ASIC1: variants seen among roughly 807,000 people sequenced by gnomAD.
ASIC1 encodes the protein acid sensing ion channel subunit 1.
Under a neutral mutation model 63.4 loss-of-function variants are expected in ASIC1, and 21 were observed. The ratio of observed to expected loss-of-function variants is 0.33; its 90% CI spans 0.23 to 0.48. The LOEUF is 0.48. Among genes scored for constraint, ASIC1 ranks in the 20% least tolerant of loss-of-function variants. ASIC1 has a pLI of 0.99. For synonymous variants in ASIC1, 258 were observed against 278.2 expected, an observed-to-expected ratio of 0.93 and a Z score of 0.72; for missense variants, 478 against 695.5, an observed-to-expected ratio of 0.69 and a Z score of 3.52.
chr12:50,081,590 G>A lies in ASIC1; in HGVS notation c.1528G>A (p.Ala510Thr). 6.2e-7 allele frequency: 1 copy of A among 1,614,068 alleles called. No homozygotes were observed. Among genetic ancestry groups the A allele is most frequent in the Non-Finnish European group, 8.5e-7 (1 of 1,179,960 alleles). ...LRGHPAGMTY[A>T]ANILPHHPAR... Reference sequence around the variant, plus strand: ...GGGCCACCCTGCCGGGATGACATACGCTGCCAACATCCTACCTCACCATCC... The same window carrying A: ...GGGCCACCCTGCCGGGATGACATACACTGCCAACATCCTACCTCACCATCC... Residue 510 changes from alanine to threonine, a missense_variant, in exon 12 of 12, where the codon GCT becomes ACT. Physicochemically the swap from Ala to Thr is moderately conservative, Grantham distance 58. Transcript: ENST00000447966.
In ASIC1 at chr12:50,082,930, C is replaced by T. The variant is rs567676476; in HGVS notation, c.*1281C>T. 7 of 153,152 alleles carry T rather than the reference C, an allele frequency of 4.6e-5. No homozygotes were observed. The highest frequency in any genetic ancestry group is 1.7e-4 in the African/African-American group (7 of 41,586). The allele number at this position is 153,152 out of a possible 1,614,324, so 9.5% of individuals were successfully genotyped here. Reference sequence around the variant, plus strand: ...CTTAACATTCTCTTCCCCTGCTCCTCCTATCCCATTGCCCTCTGCCCAGCT... The same window carrying T: ...CTTAACATTCTCTTCCCCTGCTCCTTCTATCCCATTGCCCTCTGCCCAGCT... On this transcript the variant is annotated 3_prime_UTR_variant, in exon 12 of 12. Transcript: ENST00000447966.
At chr12:50,069,743 G>GT (rs1950580922) in intron 3 of ASIC1, among the ~76,000 whole-genome samples, 2 of 150,726 alleles carry the variant, frequency 1.3e-5, no homozygotes, top group African/African-American at 2.4e-5. Flanking sequence ...TTAGATATTT[G>GT]TTTTTTTCAT....
chr12:50,078,438 A>T lies in ASIC1; in HGVS notation c.855A>T (p.Pro285=), dbSNP rs1565732271. The change falls in exon 6 of 12, where the codon CCA becomes CCT. Residue 285 remains proline (P), a synonymous_variant. Coordinates refer to ENST00000447966, the MANE Select transcript of ASIC1 (RefSeq NM_001095.4). This position sits in a 1 kb window ranked among gnomAD's most constrained non-coding sequence, Gnocchi z 6.0. The part of the protein sequence containing the change: ...CQEQRLIYLP[P]PWGTCKAVTM... ...CCCAGCAGCTCATCTACCTGCCCCC[A>T]CCCTGGGGCACCTGCAAAGCTGTTA... The T allele has an allele frequency of 6.2e-7, 1 of 1,613,542 alleles. No homozygotes were observed. Among genetic ancestry groups the T allele is most frequent in the African/African-American group, 1.3e-5 (1 of 74,752 alleles).
At chr12:50,079,129 T>A in intron 7 of ASIC1, 149 bp downstream of exon 7, 2 of 777,870 alleles carry the variant, frequency 2.6e-6, no homozygotes, top group Non-Finnish European at 4.1e-6. Context: ...AAGCTGAGAA[T>A]GGTCAGTCAT....
At chr12:50,073,491 C>T in intron 3 of ASIC1, 1 of 1,431,720 alleles carries the variant, frequency 7.0e-7, no homozygotes, top group Non-Finnish European at 9.1e-7. Context: ...GTGGCTGGCT[C>T]TGCCGGACTC....
rs551282163 is a variant in ASIC1, at chr12:50,078,667, C to A, written c.994+90C>A. 1.7e-4 allele frequency: 258 copies of A among 1,560,862 alleles called. 8 individuals carry two copies. In the South Asian group the frequency reaches 2.7e-3, roughly 16 times the overall value. On this transcript the variant is annotated intron_variant, in intron 6 of 11. Coordinates refer to ENST00000447966, the MANE Select transcript of ASIC1 (RefSeq NM_001095.4). This position sits in a 1 kb window ranked among gnomAD's most constrained non-coding sequence, Gnocchi z 6.0. Reference sequence around the variant, plus strand: ...CCCATCCATATCAATCTCCCAACCCCAGTTCCAGCCCACCCCATCCCACAC... The same window carrying A: ...CCCATCCATATCAATCTCCCAACCCAAGTTCCAGCCCACCCCATCCCACAC...
chr12:50,068,361 C>T (rs905799715), intron 3 of ASIC1, among the ~76,000 whole-genome samples: 3 of 152,166 alleles, frequency 2.0e-5, no homozygotes, highest in Non-Finnish European at 2.9e-5. Context: ...GATATATGCA[C>T]TCATTTCTCC....
rs148652119 is a variant in ASIC1, at chr12:50,078,467, T to G, written c.884T>G (p.Met295Arg). 2 of 1,613,950 alleles carry G rather than the reference T, an allele frequency of 1.2e-6. No homozygotes were observed. The highest frequency in any genetic ancestry group is 2.7e-5 in the African/African-American group (2 of 74,882). Residue 295 changes from methionine to arginine, a missense_variant, in exon 6 of 12, where the codon ATG (methionine) becomes AGG (arginine). This residue lies in a region of ASIC1 where 290 missense variants were observed against 414.9 expected (regional missense o/e 0.70). Coordinates refer to ENST00000447966, the MANE Select transcript of ASIC1 (RefSeq NM_001095.4). This position sits in a 1 kb window ranked among gnomAD's most constrained non-coding sequence, Gnocchi z 6.0. Reference protein sequence around the residue: ...PPWGTCKAVTMDSDLDFFDSY... With the variant: ...PPWGTCKAVTRDSDLDFFDSY... ...TGGGGCACCTGCAAAGCTGTTACCA[T>G]GGACTCGGATTTGGATTTCTTCGAC...
chr12:50,071,444 T>G (rs150069396), intron 3 of ASIC1, among the ~76,000 whole-genome samples: 2,302 of 141,336 alleles, frequency 0.016, 38 homozygotes, highest in African/African-American at 0.048. Flanking sequence ...ATTTTTTTGG[T>G]TTTTTTTTTT....
chr12:50,061,611 G>A (rs1481745591), intron 3 of ASIC1, among the ~76,000 whole-genome samples: 2 of 152,186 alleles, frequency 1.3e-5, no homozygotes, highest in African/African-American at 4.8e-5. Context: ...TGAGAAAGAT[G>A]GAGAAAACGT....
chr12:50,078,753 A>G lies in ASIC1; in HGVS notation c.995-171A>G. 7.6e-7 allele frequency: 1 copy of G among 1,311,286 alleles called. No homozygotes were observed. The highest frequency in any genetic ancestry group is 1.1e-6 in the Non-Finnish European group (1 of 920,640). 81.2% of individuals were successfully genotyped at this position (1,311,286 alleles called of 1,614,324 possible). A position where few individuals can be genotyped will look rare whatever the true frequency, so the allele number is the denominator to read the frequency against. ...CCTGCACCCCCAGGGATGGGTGGGA[A>G]GGGTCTAGAAGGTATGGACCTGGAG... On this transcript the variant is annotated intron_variant, in intron 6 of 11. Transcript: ENST00000447966. This position sits in a 1 kb window ranked among gnomAD's most constrained non-coding sequence, Gnocchi z 6.0.
chr12:50,081,453 A>G lies in ASIC1; in HGVS notation c.1482+89A>G, dbSNP rs1346747625. On this transcript the variant is annotated intron_variant, in intron 11 of 11. Coordinates refer to ENST00000447966, the MANE Select transcript of ASIC1 (RefSeq NM_001095.4). ...CCACCCCCGCCCACCCGCCTCTGCCACCACCTTCTCTCCTTTGCCTCCCGA... is the reference window on the plus strand; with the variant it reads ...CCACCCCCGCCCACCCGCCTCTGCCGCCACCTTCTCTCCTTTGCCTCCCGA... 4 of 441,828 alleles carry G rather than the reference A, an allele frequency of 9.1e-6. No homozygotes were observed. In the Admixed American group the frequency reaches 1.5e-4, roughly 16 times the overall value. 27.4% of individuals were successfully genotyped at this position (441,828 alleles called of 1,614,324 possible).
chr12:50,059,825 C>G lies in ASIC1; in HGVS notation c.429C>G (p.Asn143Lys), dbSNP rs1288687045. ...TGGAGATACTGCAGGACAAAGCCAA[C>G]TTCCGCAGCTTCAAACCCAAACCCT... ...KQLEILQDKA[N>K]FRSFKPKPFN... Residue 143 changes from asparagine to lysine, a missense_variant, in exon 3 of 12, where the codon AAC becomes AAG. Physicochemically the swap from Asn to Lys is moderately conservative, Grantham distance 94 (BLOSUM62 0). Coordinates refer to ENST00000447966, the MANE Select transcript of ASIC1 (RefSeq NM_001095.4). The surrounding 1 kb of genome is among the most constrained non-coding windows in gnomAD (Gnocchi z 4.6). The G allele has an allele frequency of 6.2e-7, 1 of 1,614,196 alleles. No individual in the cohort carries two copies. Among genetic ancestry groups the G allele is most frequent in the South Asian group, 1.1e-5 (1 of 91,084 alleles).
intron 3 of ASIC1, among the ~76,000 whole-genome samples, chr12:50,069,605 C>A (rs1950579493): frequency 6.6e-6 from 1 of 152,142 alleles, no homozygotes; most frequent in Admixed American, 6.5e-5. Flanking sequence ...CCTCTTTATT[C>A]TTTAGACTGT....
At position 50,078,772 on chromosome 12, in the gene ASIC1, C is replaced by G. The variant is rs936112783; in HGVS notation, c.995-152C>G. On this transcript the variant is annotated intron_variant, in intron 6 of 11. Transcript: ENST00000447966. The surrounding 1 kb of genome is among the most constrained non-coding windows in gnomAD (Gnocchi z 6.0). ...GTGGGAAGGGTCTAGAAGGTATGGA[C>G]CTGGAGTGGGTCACTTCTGGGGCAG... is the stretch of plus-strand genomic sequence containing the variant. 1.6e-5 allele frequency: 21 copies of G among 1,309,374 alleles called. No homozygotes were observed. Among genetic ancestry groups the G allele is most frequent in the Non-Finnish European group, 2.1e-5 (19 of 912,428 alleles). 81.1% of individuals were successfully genotyped at this position (1,309,374 alleles called of 1,614,324 possible). A position where few individuals can be genotyped will look rare whatever the true frequency, so the allele number is the denominator to read the frequency against.
At chr12:50,077,924 G>A in intron 4 of ASIC1, 76 bp from the exon 5 acceptor site, 2 of 1,538,038 alleles carry the variant, frequency 1.3e-6, no homozygotes, top group East Asian at 2.3e-5. Context: ...TTCCAGGAGA[G>A]GTAGGATGCC....
At chr12:50,058,393 G>T (rs1473199477) in intron 1 of ASIC1, among the ~76,000 whole-genome samples, 1 of 152,156 alleles carries the variant, frequency 6.6e-6, no homozygotes, top group African/African-American at 2.4e-5. Flanking sequence ...TCCAGGATGG[G>T]GTGGATATTC....
intron 3 of ASIC1, among the ~76,000 whole-genome samples, chr12:50,069,056 G>T (rs1470569508): frequency 1.3e-5 from 2 of 151,878 alleles, no homozygotes; most frequent in African/African-American, 4.8e-5. Context: ...AGTGACCTGG[G>T]TCCTCCCTGC....
chr12:50,069,497 G>T (rs1456477216), intron 3 of ASIC1, among the ~76,000 whole-genome samples: 2 of 151,902 alleles, frequency 1.3e-5, no homozygotes, highest in East Asian at 3.9e-4. Context: ...TTTCACCATG[G>T]TGGCCAGGCT....
Sources: allele counts gnomAD v4.1 joint callset (sites outside exome capture counted in the v4.1 genomes callset), GRCh38; gene constraint gnomAD v4.1.1; regional missense constraint gnomAD v4.1.1; non-coding constraint Gnocchi (gnomAD v3.1); transcripts MANE v1.5; gene names NCBI Gene and HGNC (gene_info 2026-07-23, HGNC 2026-07-21).